Variants in MED1 observed in about 807,000 individuals in gnomAD.
MED1 encodes the protein mediator complex subunit 1.
MED1 carries 17 observed loss-of-function variants against 121.3 expected under a neutral mutation model. That is an observed-to-expected ratio of 0.14 (90% CI 0.10 to 0.21). MED1 has a LOEUF of 0.21. MED1 is among the 10% of genes least tolerant of loss of function. The pLI, the probability that MED1 is intolerant of heterozygous loss-of-function variation, is 1.00. For missense variants in MED1, 1,558 were observed against 1,919.4 expected, an observed-to-expected ratio of 0.81 and a Z score of 3.52; for synonymous variants, 661 against 694.4, an observed-to-expected ratio of 0.95 and a Z score of 0.76.
chr17:39,414,634 CTTTT>C lies in MED1; in HGVS notation c.1499+388_1499+391del, dbSNP rs55829399. Reference sequence around the variant, plus strand: ...ACAGGCGTGAGCCACCAGGCCCGGCCTTTTTTTTTTTTTTTTTTTTTTTTTTTTT... The same window carrying C: ...ACAGGCGTGAGCCACCAGGCCCGGCCTTTTTTTTTTTTTTTTTTTTTTTTT... On this transcript the variant is annotated intron_variant, in intron 16 of 16. Transcript: ENST00000300651. Among the ~76,000 whole-genome samples, 142 of 61,548 alleles carry C rather than the reference CTTTT, an allele frequency of 2.3e-3. 31 individuals carry two copies. Among genetic ancestry groups the C allele is most frequent in the African/African-American group, 8.6e-3 (132 of 15,288 alleles). The allele number at this position is 61,548 out of a possible 152,430, so 40.4% of individuals were successfully genotyped here.
intron 3 of MED1, among the ~76,000 whole-genome samples, chr17:39,441,828 C>A (rs1023829271): frequency 1.3e-5 from 2 of 152,016 alleles, no homozygotes; most frequent in African/African-American, 4.8e-5. Flanking sequence ...TGAGACTGGG[C>A]AAAGTGGCTC....
intron 14 of MED1, among the ~76,000 whole-genome samples, chr17:39,418,469 G>A (rs12452509): frequency 0.63 from 95,362 of 151,426 alleles, 32,721 homozygotes; most frequent in South Asian, 0.89. Flanking sequence ...GGAGGTAGAG[G>A]CAGCAGAAAG....
At chr17:39,413,127 T>C (rs1162019172) in intron 16 of MED1, among the ~76,000 whole-genome samples, 2 of 152,038 alleles carry the variant, frequency 1.3e-5, no homozygotes, top group African/African-American at 4.8e-5. Context: ...CAGGCTGGAG[T>C]GGAGTGGCAC....
rs1183948554 is a variant in MED1 at position 39,414,644 on chromosome 17, T to A, written c.1499+382A>T. 1.5e-4 allele frequency among the ~76,000 whole-genome samples: 6 copies of A among 39,654 alleles called. 1 individual carries two copies. The highest frequency in any genetic ancestry group is 2.8e-4 in the Non-Finnish European group (5 of 17,560). The allele number at this position is 39,654 out of a possible 152,430, so 26.0% of individuals were successfully genotyped here. A position where few individuals can be genotyped will look rare whatever the true frequency, so the allele number is the denominator to read the frequency against. On this transcript the variant is annotated intron_variant, in intron 16 of 16. Coordinates refer to ENST00000300651, the MANE Select transcript of MED1 (RefSeq NM_004774.4). ...GCCACCAGGCCCGGCCTTTTTTTTT[T>A]TTTTTTTTTTTTTTTTTTTTTTTTT...
At position 39,407,462 on chromosome 17, in the gene MED1, G is replaced by T. The variant is rs768753108; in HGVS notation, c.*13C>A. The T allele has an allele frequency of 6.3e-7, 1 of 1,580,830 alleles. No homozygotes were observed. The highest frequency in any genetic ancestry group is 1.2e-5 in the South Asian group (1 of 85,916). On this transcript the variant is annotated 3_prime_UTR_variant, in exon 17 of 17. Coordinates refer to ENST00000300651, the MANE Select transcript of MED1 (RefSeq NM_004774.4). Reference sequence around the variant, plus strand: ...TTTTCCTCTGGCCCTGTTTCTTTTAGGAAATAAGGTTCCTAATTCCCAATC... The same window carrying T: ...TTTTCCTCTGGCCCTGTTTCTTTTATGAAATAAGGTTCCTAATTCCCAATC...
intron 8 of MED1, among the ~76,000 whole-genome samples, chr17:39,431,508 AC>A (rs1364688517): frequency 6.6e-6 from 1 of 151,886 alleles, no homozygotes; most frequent in Non-Finnish European, 1.5e-5. Context: ...CGAACTCGTG[AC>A]CTCAGGTGAT....
rs545834636 is a variant in MED1 at position 39,432,070 on chromosome 17, G to C, written c.501-54C>G. ...TAATAGTTGAAAAATATGACCAAGCGGGGTGGCTCAGCCTGTAATCCCAGC... is the reference window on the plus strand; with the variant it reads ...TAATAGTTGAAAAATATGACCAAGCCGGGTGGCTCAGCCTGTAATCCCAGC... On this transcript the variant is annotated intron_variant, in intron 7 of 16. Coordinates refer to ENST00000300651, the MANE Select transcript of MED1 (RefSeq NM_004774.4). 3.7e-6 allele frequency: 5 copies of C among 1,367,520 alleles called. No individual in the cohort carries two copies. In the East Asian group the frequency reaches 7.0e-5, roughly 19 times the overall value. The allele number at this position is 1,367,520 out of a possible 1,614,324, so 84.7% of individuals were successfully genotyped here. A position where few individuals can be genotyped will look rare whatever the true frequency, so the allele number is the denominator to read the frequency against.
chr17:39,431,791 C>G, intron 8 of MED1, 151 bp downstream of exon 8: 1 of 566,586 alleles, frequency 1.8e-6, no homozygotes, highest in Non-Finnish European at 3.1e-6. Context: ...CTTAGCGATA[C>G]TGATACTCAG....
chr17:39,404,454 A>T lies in MED1; in HGVS notation c.*3021T>A, dbSNP rs926417620. ...AAAACCAAATTTGAAAGATTTTTTT[A>T]AAAAAAGACCCTCCCCAGCTGCTCC... On this transcript the variant is annotated 3_prime_UTR_variant, in exon 17 of 17. Transcript: ENST00000300651. The T allele has an allele frequency of 9.9e-5, 15 of 152,212 alleles. No homozygotes were observed. Among genetic ancestry groups the T allele is most frequent in the African/African-American group, 2.9e-4 (12 of 41,408 alleles). 9.4% of individuals were successfully genotyped at this position (152,212 alleles called of 1,614,324 possible).
intron 6 of MED1, among the ~76,000 whole-genome samples, chr17:39,435,363 T>C (rs1416741418): frequency 1.3e-5 from 2 of 152,128 alleles, no homozygotes; most frequent in Admixed American, 6.6e-5. Context: ...ACTACTACCG[T>C]GACCTCTGGC....
chr17:39,423,662 A>T, intron 12 of MED1, 35 bp downstream of exon 12: 1 of 1,613,456 alleles, frequency 6.2e-7, no homozygotes, highest in South Asian at 1.1e-5. Context: ...TTTCACATTT[A>T]TAACAAGTAC....
intron 14 of MED1, among the ~76,000 whole-genome samples, chr17:39,417,400 G>A (rs376194102): frequency 3.3e-5 from 5 of 151,514 alleles, no homozygotes; most frequent in South Asian, 2.1e-4. Flanking sequence ...AGGCTCAGGC[G>A]GGCAGATCAC....
intron 14 of MED1, among the ~76,000 whole-genome samples, chr17:39,417,214 G>T (rs556777553): frequency 3.3e-5 from 5 of 151,958 alleles, no homozygotes; most frequent in Non-Finnish European, 7.4e-5. Context: ...CTTGTAATCC[G>T]AGCTACTTGG....
At chr17:39,450,948 G>T in intron 1 of MED1, 90 bp downstream of exon 1, 1 of 1,128,444 alleles carries the variant, frequency 8.9e-7, no homozygotes, top group Non-Finnish European at 1.3e-6. Flanking sequence ...CCCCTAAAGT[G>T]GCCCCCATGG....
chr17:39,405,561 G>T lies in MED1; in HGVS notation c.*1914C>A. ...GCTGAATGTCTGAGAGGCTGCTACT[G>T]TATCAACATCACAAGATAAAGCACT... is the stretch of plus-strand genomic sequence containing the variant. On this transcript the variant is annotated 3_prime_UTR_variant, in exon 17 of 17. Coordinates refer to ENST00000300651, the MANE Select transcript of MED1 (RefSeq NM_004774.4). 7.5e-7 allele frequency: 1 copy of T among 1,324,824 alleles called. No individual in the cohort carries two copies. The highest frequency in any genetic ancestry group is 9.7e-7 in the Non-Finnish European group (1 of 1,035,412). 82.1% of individuals were successfully genotyped at this position (1,324,824 alleles called of 1,614,324 possible).
chr17:39,433,865 C>T (rs2048593970), intron 7 of MED1, among the ~76,000 whole-genome samples: 1 of 152,128 alleles, frequency 6.6e-6, no homozygotes, highest in Non-Finnish European at 1.5e-5. Context: ...GGCTTCACTA[C>T]TATTAAAGCC....
chr17:39,408,863 C>G lies in MED1; in HGVS notation c.3358G>C (p.Glu1120Gln). The change falls in exon 17 of 17, where the codon GAA becomes CAA. Residue 1120 changes from glutamate to glutamine, a missense_variant. Physicochemically the swap from Glu to Gln is conservative, Grantham distance 29. Coordinates refer to ENST00000300651, the MANE Select transcript of MED1 (RefSeq NM_004774.4). The surrounding 1 kb of genome is among the most constrained non-coding windows in gnomAD (Gnocchi z 4.7). ...TSGKMKSSKSEGSSSSKLSSS... is the reference protein window; with the variant it reads ...TSGKMKSSKSQGSSSSKLSSS... ...CTTAACTTGGAACTTGATGAACCTT[C>G]TGATTTACTGCTTTTCATCTTCCCT... 6.2e-7 allele frequency: 1 copy of G among 1,614,078 alleles called. No individual in the cohort carries two copies. The highest frequency in any genetic ancestry group is 8.5e-7 in the Non-Finnish European group (1 of 1,180,032).
At chr17:39,431,750 G>A (rs1479391867) in intron 8 of MED1, among the ~76,000 whole-genome samples, 192 bp downstream of exon 8, 2 of 152,130 alleles carry the variant, frequency 1.3e-5, no homozygotes, top group Non-Finnish European at 1.5e-5. Context: ...GGTCTGATGA[G>A]TCTTGAGATA....
rs1340598362 is a variant in MED1 at position 39,407,740 on chromosome 17, G to A, written c.4481C>T (p.Thr1494Ile). 1.2e-6 allele frequency: 2 copies of A among 1,613,990 alleles called. No individual in the cohort carries two copies. The highest frequency in any genetic ancestry group is 4.5e-5 in the East Asian group (2 of 44,880). The change falls in exon 17 of 17, where the codon ACA (threonine) becomes ATA (isoleucine). Residue 1494 changes from threonine to isoleucine, a missense_variant. Thr to Ile is a moderately conservative substitution (Grantham distance 89). Around this residue, in one of 5 missense-constraint regions of MED1, gnomAD observed 264 missense variants for 326.1 expected, o/e 0.81. Transcript: ENST00000300651. Reference sequence around the variant, plus strand: ...CTTTTTGTGCTTCTTATGTTTCTCTGTGCTGTATTCTGGAAGTGGTCGGAT... The same window carrying A: ...CTTTTTGTGCTTCTTATGTTTCTCTATGCTGTATTCTGGAAGTGGTCGGAT... ...DGIRPLPEYSTEKHKKHKKEK... is the reference protein window; with the variant it reads ...DGIRPLPEYSIEKHKKHKKEK...
Sources: allele counts gnomAD v4.1 joint callset (sites outside exome capture counted in the v4.1 genomes callset), GRCh38; gene constraint gnomAD v4.1.1; regional missense constraint gnomAD v4.1.1; non-coding constraint Gnocchi (gnomAD v3.1); transcripts MANE v1.5; gene names NCBI Gene and HGNC (gene_info 2026-07-23, HGNC 2026-07-21).